Variants in MAGI1 observed in about 807,000 individuals in gnomAD.
MAGI1 encodes membrane-associated guanylate kinase, WW and PDZ domain-containing protein 1.
In MAGI1, 58 loss-of-function variants were observed where a neutral mutation model predicts 139.9. The ratio of observed to expected loss-of-function variants is 0.41; its 90% CI spans 0.34 to 0.52. MAGI1 has a LOEUF of 0.52. MAGI1 is among the 20% of genes least tolerant of loss of function. The pLI, the probability that MAGI1 is intolerant of heterozygous loss-of-function variation, is 0.12. For synonymous variants in MAGI1, 812 were observed against 737.9 expected (o/e 1.10, Z -1.63); for missense variants, 1,874 against 1,901.6 (o/e 0.99, Z 0.27).
intron 2 of MAGI1, among the ~76,000 whole-genome samples, chr3:65,534,104 AG>A (rs1323676028): frequency 3.3e-5 from 5 of 152,154 alleles, no homozygotes; most frequent in African/African-American, 1.2e-4. Context: ...CCTGACCCTT[AG>A]AAACCTGGTG....
intron 1 of MAGI1, among the ~76,000 whole-genome samples, chr3:65,672,008 C>T (rs1477150618): frequency 6.6e-6 from 1 of 152,110 alleles, no homozygotes; most frequent in African/African-American, 2.4e-5. Context: ...ACTTCACACA[C>T]CTGAGGTAGG....
At chr3:65,952,912 C>A (rs984291977) in intron 1 of MAGI1, among the ~76,000 whole-genome samples, 8 of 152,174 alleles carry the variant, frequency 5.3e-5, no homozygotes. Flanking sequence ...TTGACAAACA[C>A]TTTCATAACA....
At position 65,649,323 on chromosome 3, in the gene MAGI1, A is replaced by G. The variant is rs191923987; in HGVS notation, c.314-27235T>C. Among the ~76,000 whole-genome samples the G allele has an allele frequency of 3.1e-3, 468 of 152,314 alleles. 2 individuals are homozygous for G. The highest frequency in any genetic ancestry group is 0.011 in the African/African-American group (454 of 41,572). ...CCTGAGCCCGGGATTACAAGGTTACAGTGAGCTGACTGCATCACTGCACTC... is the reference window on the plus strand; with the variant it reads ...CCTGAGCCCGGGATTACAAGGTTACGGTGAGCTGACTGCATCACTGCACTC... On this transcript the variant is annotated intron_variant, in intron 1 of 22. Transcript: ENST00000402939.
At chr3:65,784,637 G>A (rs1420132762) in intron 1 of MAGI1, among the ~76,000 whole-genome samples, 7 of 152,060 alleles carry the variant, frequency 4.6e-5, no homozygotes, top group African/African-American at 4.8e-5. Flanking sequence ...CCAAGAAGGC[G>A]GAGCTTGCAG....
chr3:65,948,479 T>A (rs1022756837), intron 1 of MAGI1, among the ~76,000 whole-genome samples: 29 of 152,288 alleles, frequency 1.9e-4, no homozygotes, highest in Middle Eastern at 3.4e-3. Flanking sequence ...ATGGTTCAAG[T>A]AGAGCTTATG....
intron 5 of MAGI1, among the ~76,000 whole-genome samples, chr3:65,456,164 AC>A (rs1949375918): frequency 6.6e-6 from 1 of 152,226 alleles, no homozygotes; most frequent in Non-Finnish European, 1.5e-5. Context: ...TTTTACCATC[AC>A]TTAGTGTTGT....
At chr3:65,938,585 G>A (rs181994654) in intron 1 of MAGI1, among the ~76,000 whole-genome samples, 15 of 151,806 alleles carry the variant, frequency 9.9e-5, no homozygotes, top group African/African-American at 3.1e-4. Flanking sequence ...TTCCTTTTCC[G>A]CACTGAGACA....
chr3:65,573,587 T>G (rs1221218821), intron 2 of MAGI1, among the ~76,000 whole-genome samples: 2 of 151,960 alleles, frequency 1.3e-5, no homozygotes, highest in African/African-American at 4.8e-5. Flanking sequence ...GCAAAGAACT[T>G]CTTCAACCTG....
chr3:65,495,031 C>T lies in MAGI1; in HGVS notation c.431-1400G>A, dbSNP rs192974616. Among the ~76,000 whole-genome samples the T allele has an allele frequency of 3.3e-5, 5 of 152,312 alleles. No individual in the cohort carries two copies. In the South Asian group the frequency reaches 8.3e-4, roughly 25 times the overall value. ...CTTACACTGTTTCCTAATTTGTTCC[C>T]GTTTCGTGCCTCCCCTGGCAGGTGA... On this transcript the variant is annotated intron_variant, in intron 2 of 22. Coordinates refer to ENST00000402939, the MANE Select transcript of MAGI1 (RefSeq NM_001033057.2).
At chr3:65,889,846 G>C (rs1288612126) in intron 1 of MAGI1, among the ~76,000 whole-genome samples, 1 of 152,174 alleles carries the variant, frequency 6.6e-6, no homozygotes, top group Non-Finnish European at 1.5e-5. Context: ...TAAGCAGAAT[G>C]TACTGGTATA....
At chr3:65,758,995 T>C (rs75881263) in intron 1 of MAGI1, among the ~76,000 whole-genome samples, 1 of 148,106 alleles carries the variant, frequency 6.8e-6, no homozygotes, top group East Asian at 2.0e-4. Flanking sequence ...CCTTGCAAGC[T>C]TTCTCATATA....
chr3:65,914,165 T>G lies in MAGI1; in HGVS notation c.313+123831A>C, dbSNP rs553838686. 1.1e-4 allele frequency: 17 copies of G among 152,264 alleles called. No individual in the cohort carries two copies. The East Asian group carries it at 3.3e-3, about 29-fold the overall frequency. The allele number at this position is 152,264 out of a possible 1,614,324, so 9.4% of individuals were successfully genotyped here. A position where few individuals can be genotyped will look rare whatever the true frequency, so the allele number is the denominator to read the frequency against. On this transcript the variant is annotated intron_variant, in intron 1 of 22. Transcript: ENST00000402939. ...ACATCAGCCTTCAAGAGATGCACCA[T>G]ATGACTACATCCACAGGTCAGCATA...
At chr3:65,906,807 A>T (rs1401113557) in intron 1 of MAGI1, among the ~76,000 whole-genome samples, 1 of 151,372 alleles carries the variant, frequency 6.6e-6, no homozygotes, top group African/African-American at 2.4e-5. Flanking sequence ...AATTGCTTGA[A>T]CCCAGGAGGT....
At chr3:65,659,583 C>T (rs925748294) in intron 1 of MAGI1, among the ~76,000 whole-genome samples, 3 of 152,176 alleles carry the variant, frequency 2.0e-5, no homozygotes, top group African/African-American at 7.2e-5. Context: ...ATATCCCACC[C>T]CTTGGTTAAA....
chr3:65,706,269 T>A (rs1390813553), intron 1 of MAGI1, among the ~76,000 whole-genome samples: 1 of 152,240 alleles, frequency 6.6e-6, no homozygotes. Context: ...AATTTATGTT[T>A]TAAAAAATGC....
chr3:65,591,466 G>T (rs1409181992), intron 2 of MAGI1, among the ~76,000 whole-genome samples: 2 of 152,026 alleles, frequency 1.3e-5, no homozygotes, highest in Non-Finnish European at 1.5e-5. Context: ...CTCACACCAG[G>T]ATTATAACAA....
At chr3:65,660,297 G>A (rs748164807) in intron 1 of MAGI1, among the ~76,000 whole-genome samples, 4 of 152,178 alleles carry the variant, frequency 2.6e-5, no homozygotes, top group African/African-American at 7.2e-5. Context: ...AACGGGCTTC[G>A]CCCTCTCTGA....
chr3:65,424,882 AAC>A (rs1946894473), intron 12 of MAGI1, among the ~76,000 whole-genome samples: 1 of 152,168 alleles, frequency 6.6e-6, no homozygotes, highest in Admixed American at 6.6e-5. Context: ...GTACCTGGGC[AAC>A]ACAGTGAGAC....
intron 1 of MAGI1, among the ~76,000 whole-genome samples, chr3:65,850,729 G>C (rs1174724264): frequency 6.6e-6 from 1 of 152,034 alleles, no homozygotes; most frequent in African/African-American, 2.4e-5. Context: ...AGGATGCAAC[G>C]TTCACTCCCT....
Sources: allele counts gnomAD v4.1 joint callset (sites outside exome capture counted in the v4.1 genomes callset), GRCh38; gene constraint gnomAD v4.1.1; transcripts MANE v1.5; gene names NCBI Gene and HGNC (gene_info 2026-07-23, HGNC 2026-07-21).